HDAC9: variants seen among roughly 807,000 people sequenced by gnomAD.
HDAC9 encodes histone deacetylase 9, also known as MEF-2 interacting transcription repressor (MITR) protein.
HDAC9 carries 41 observed loss-of-function variants against 139.4 expected under a neutral mutation model. That is an observed-to-expected ratio of 0.29 (90% CI 0.23 to 0.38). The LOEUF is 0.38. Ranked by LOEUF, HDAC9 falls within the 10% of genes least tolerant of loss-of-function variation. The probability of loss-of-function intolerance (pLI) is 1.00; values close to 1 mark genes in which losing one functional copy is unlikely to be tolerated. For missense variants in HDAC9, 1,147 were observed against 1,297.0 expected, an observed-to-expected ratio of 0.88 and a Z score of 1.78; for synonymous variants, 517 against 476.2, an observed-to-expected ratio of 1.09 and a Z score of -1.12.
chr7:18,210,477 T>G (rs1387063078), intron 2 of HDAC9, among the ~76,000 whole-genome samples: 1 of 152,196 alleles, frequency 6.6e-6, no homozygotes, highest in Non-Finnish European at 1.5e-5. Context: ...CATTTTACCT[T>G]TAGAACTAAA....
At chr7:18,788,660 C>T (rs528076497) in intron 16 of HDAC9, among the ~76,000 whole-genome samples, 21 of 149,952 alleles carry the variant, frequency 1.4e-4, no homozygotes, top group South Asian at 1.3e-3. Context: ...GAGGCTGAGG[C>T]GGAAGAATGG....
At chr7:18,874,831 T>TA (rs1288269696) in intron 22 of HDAC9, among the ~76,000 whole-genome samples, 4 of 152,182 alleles carry the variant, frequency 2.6e-5, no homozygotes, top group Non-Finnish European at 4.4e-5. Flanking sequence ...TCAGAAATCG[T>TA]ATGCTTTTCA....
At chr7:18,461,501 A>G (rs1364731323) in intron 1 of HDAC9, among the ~76,000 whole-genome samples, 1 of 152,202 alleles carries the variant, frequency 6.6e-6, no homozygotes, top group Admixed American at 6.5e-5. Flanking sequence ...GTAACCTGGT[A>G]GTGTGACATT....
intron 15 of HDAC9, among the ~76,000 whole-genome samples, chr7:18,763,240 G>A (rs188471043): frequency 5.5e-4 from 84 of 152,244 alleles, no homozygotes; most frequent in Non-Finnish European, 1.1e-3. Context: ...AGGTATCTTG[G>A]AAAGCAATTG....
intron 16 of HDAC9, among the ~76,000 whole-genome samples, chr7:18,777,423 T>C (rs1400527205): frequency 6.6e-6 from 1 of 151,978 alleles, no homozygotes; most frequent in African/African-American, 2.4e-5. Flanking sequence ...GGCTGGTCCA[T>C]CCTGATTTAT....
At chr7:18,125,457 T>C (rs1385668037) in intron 1 of HDAC9, among the ~76,000 whole-genome samples, 2 of 147,754 alleles carry the variant, frequency 1.4e-5, no homozygotes, top group Non-Finnish European at 3.0e-5. Flanking sequence ...GTGTGTGTGT[T>C]AAATGGAGCA....
At chr7:18,566,991 T>G (rs765689384) in intron 2 of HDAC9, among the ~76,000 whole-genome samples, 5 of 152,176 alleles carry the variant, frequency 3.3e-5, no homozygotes, top group Non-Finnish European at 7.4e-5. Context: ...AGGTCAAGTG[T>G]GTCGCAAGGC....
At chr7:18,200,906 G>A (rs1474262928) in intron 2 of HDAC9, among the ~76,000 whole-genome samples, 2 of 152,172 alleles carry the variant, frequency 1.3e-5, no homozygotes, top group Admixed American at 6.5e-5. Context: ...GTCTTGTGAT[G>A]TGGGACTGAT....
intron 22 of HDAC9, among the ~76,000 whole-genome samples, chr7:18,904,729 C>A (rs1278460603): frequency 2.0e-5 from 3 of 151,468 alleles, no homozygotes; most frequent in Non-Finnish European, 3.0e-5. Context: ...GCAACCGCCA[C>A]CACGCCCGGC....
rs144620933 is a variant in HDAC9 at position 18,249,862 on chromosome 7, A to G, written c.25+87513A>G. Among the ~76,000 whole-genome samples, 916 of 152,314 alleles carry G rather than the reference A, an allele frequency of 6.0e-3. 5 individuals are homozygous for G. The highest frequency in any genetic ancestry group is 0.021 in the African/African-American group (868 of 41,558). On this transcript the variant is annotated intron_variant, in intron 2 of 12. Coordinates refer to the HDAC9 transcript ENST00000417496. ...AACACTTAGATGAGAAGTTGTAAATATCTTTAAAATAAGGGTTTAATTAAT... is the reference window on the plus strand; with the variant it reads ...AACACTTAGATGAGAAGTTGTAAATGTCTTTAAAATAAGGGTTTAATTAAT...
chr7:18,456,828 A>G (rs1793395639), intron 1 of HDAC9, among the ~76,000 whole-genome samples: 1 of 152,184 alleles, frequency 6.6e-6, no homozygotes, highest in Admixed American at 6.5e-5. Flanking sequence ...TTGAATATGC[A>G]GTGATGTGCC....
chr7:18,170,473 T>C (rs1226186064), intron 2 of HDAC9, among the ~76,000 whole-genome samples: 6 of 152,336 alleles, frequency 3.9e-5, no homozygotes, highest in South Asian at 4.1e-4. Flanking sequence ...CTATTTTGGC[T>C]TTTGTTGTTG....
intron 13 of HDAC9, among the ~76,000 whole-genome samples, chr7:18,746,840 C>G (rs1367505365): frequency 6.6e-6 from 1 of 151,986 alleles, no homozygotes; most frequent in Non-Finnish European, 1.5e-5. Context: ...ATACAATTAA[C>G]AAAATTATAC....
At chr7:18,718,906 A>G (rs967447162) in intron 12 of HDAC9, among the ~76,000 whole-genome samples, 1 of 152,190 alleles carries the variant, frequency 6.6e-6, no homozygotes, top group Non-Finnish European at 1.5e-5. Context: ...TGAAAATTCC[A>G]ATTTCTCTGC....
At chr7:18,427,834 T>C (rs1017963689) in intron 1 of HDAC9, among the ~76,000 whole-genome samples, 3 of 152,062 alleles carry the variant, frequency 2.0e-5, no homozygotes, top group Admixed American at 2.0e-4. Context: ...AGCAGCTCTT[T>C]TAGAAATTAT....
intron 2 of HDAC9, among the ~76,000 whole-genome samples, chr7:18,280,381 G>A (rs1250916050): frequency 6.6e-6 from 1 of 151,920 alleles, no homozygotes; most frequent in East Asian, 1.9e-4. Flanking sequence ...TGAGGTCAGG[G>A]GTTCGAGAAC....
intron 12 of HDAC9, among the ~76,000 whole-genome samples, chr7:18,685,295 C>A (rs946604689): frequency 3.3e-5 from 5 of 151,968 alleles, no homozygotes; most frequent in Admixed American, 6.6e-5. Flanking sequence ...TTCCACTTAC[C>A]CATGGGAAGC....
intron 17 of HDAC9, among the ~76,000 whole-genome samples, chr7:18,796,433 C>T (rs1792805273): frequency 6.6e-6 from 1 of 152,172 alleles, no homozygotes; most frequent in Non-Finnish European, 1.5e-5. Context: ...GGGTGGGTTT[C>T]CTGTTAATGC....
rs1198751331 is a variant in HDAC9, at chr7:18,266,407, G to A, written c.25+104058G>A. Among the ~76,000 whole-genome samples, 4 of 128,812 alleles carry A rather than the reference G, an allele frequency of 3.1e-5. No individual in the cohort carries two copies. The Admixed American group carries it at 3.5e-4, about 11-fold the overall frequency. The allele number at this position is 128,812 out of a possible 152,430, so 84.5% of individuals were successfully genotyped here. A position where few individuals can be genotyped will look rare whatever the true frequency, so the allele number is the denominator to read the frequency against. Reference sequence around the variant, plus strand: ...ATAATCAGTTAATTGAATCATTCAAGTAAAAATGTTTTTTCTGTTTTTAAG... The same window carrying A: ...ATAATCAGTTAATTGAATCATTCAAATAAAAATGTTTTTTCTGTTTTTAAG... On this transcript the variant is annotated intron_variant, in intron 2 of 12. Coordinates refer to the HDAC9 transcript ENST00000417496.
Sources: allele counts gnomAD v4.1 joint callset (sites outside exome capture counted in the v4.1 genomes callset), GRCh38; gene constraint gnomAD v4.1.1; transcripts MANE v1.5; gene names NCBI Gene and HGNC (gene_info 2026-07-23, HGNC 2026-07-21).